The following NUDCD3 variants were observed in gnomAD, a reference collection of about 807,000 sequenced individuals.
NUDCD3 encodes the protein nudC domain-containing protein 3.
A neutral mutation model predicts 39.7 loss-of-function variants in NUDCD3; 13 were observed. The observed-to-expected ratio is 0.33, with a 90% CI of 0.21 to 0.52. The LOEUF is 0.52. Ranked by LOEUF, NUDCD3 falls within the 20% of genes least tolerant of loss-of-function variation. The probability of loss-of-function intolerance (pLI) is 0.96; values close to 1 mark genes in which losing one functional copy is unlikely to be tolerated. For synonymous variants in NUDCD3, 175 were observed against 172.4 expected (o/e 1.02, Z -0.12); for missense variants, 453 against 458.1 (o/e 0.99, Z 0.10).
intron 4 of NUDCD3, among the ~76,000 whole-genome samples, chr7:44,401,379 C>T (rs562776180): frequency 5.3e-5 from 8 of 152,300 alleles, no homozygotes; most frequent in East Asian, 3.9e-4. Flanking sequence ...AGACAACAAA[C>T]GCCTTAGCTC....
At chr7:44,477,635 C>A (rs1323222257) in intron 2 of NUDCD3, among the ~76,000 whole-genome samples, 1 of 152,140 alleles carries the variant, frequency 6.6e-6, no homozygotes, top group East Asian at 1.9e-4. Context: ...GAGGCAAACC[C>A]TAACAGGCAG....
Position 44,384,706 on chromosome 7 carries a change from T to G in NUDCD3, c.*1305A>C, listed in dbSNP as rs981043133. The G allele has an allele frequency of 6.6e-6, 1 of 152,226 alleles. No individual in the cohort carries two copies. The highest frequency in any genetic ancestry group is 2.4e-5 in the African/African-American group (1 of 41,426). 9.4% of individuals were successfully genotyped at this position (152,226 alleles called of 1,614,324 possible). Reference sequence around the variant, plus strand: ...TTGCTGGCCGTGCATGGTGCCAGGGTGCACTGCCCTGCTGTGTGGCTTATC... The same window carrying G: ...TTGCTGGCCGTGCATGGTGCCAGGGGGCACTGCCCTGCTGTGTGGCTTATC... On this transcript the variant is annotated 3_prime_UTR_variant, in exon 6 of 6. Coordinates refer to ENST00000355451, the MANE Select transcript of NUDCD3 (RefSeq NM_015332.4).
At chr7:44,433,317 G>T (rs929916458) in intron 2 of NUDCD3, among the ~76,000 whole-genome samples, 4 of 152,158 alleles carry the variant, frequency 2.6e-5, no homozygotes, top group Non-Finnish European at 5.9e-5. Flanking sequence ...GCACTGTGTG[G>T]TAAAAGTATG....
At chr7:44,418,218 G>C (rs181747519) in intron 3 of NUDCD3, among the ~76,000 whole-genome samples, 2 of 152,304 alleles carry the variant, frequency 1.3e-5, no homozygotes, top group East Asian at 3.9e-4. Context: ...GCCGAGGCAG[G>C]AATGGGACTA....
At chr7:44,470,415 CA>C (rs1800230950) in intron 2 of NUDCD3, among the ~76,000 whole-genome samples, 1 of 152,134 alleles carries the variant, frequency 6.6e-6, no homozygotes, top group Admixed American at 6.5e-5. Context: ...CAGAGGGTCT[CA>C]AAGCAAATCC....
At chr7:44,456,025 CAAAAA>C (rs1233592095) in intron 2 of NUDCD3, among the ~76,000 whole-genome samples, 7,929 of 26,486 alleles carry the variant, frequency 0.3, 85 homozygotes, top group Non-Finnish European at 0.39. Context: ...GACTCCGTCT[CAAAAA>C]AAAAAAAAAA....
intron 2 of NUDCD3, among the ~76,000 whole-genome samples, chr7:44,449,804 T>C (rs1173966832): frequency 6.6e-5 from 10 of 151,704 alleles, no homozygotes; most frequent in African/African-American, 1.2e-4. Context: ...CTTTGTGACT[T>C]TGAGTTAGGC....
chr7:44,443,072 C>T (rs1799621864), intron 2 of NUDCD3, among the ~76,000 whole-genome samples: 4 of 152,162 alleles, frequency 2.6e-5, no homozygotes. Context: ...ACACAGAAAG[C>T]AGGCATTTTG....
chr7:44,449,643 A>T (rs1340463644), intron 2 of NUDCD3, among the ~76,000 whole-genome samples: 1 of 152,222 alleles, frequency 6.6e-6, no homozygotes, highest in Non-Finnish European at 1.5e-5. Context: ...TCAACAAATG[A>T]TGCTGGTGTA....
At chr7:44,420,965 C>T (rs1324076455) in intron 3 of NUDCD3, among the ~76,000 whole-genome samples, 1 of 152,174 alleles carries the variant, frequency 6.6e-6, no homozygotes, top group Non-Finnish European at 1.5e-5. Context: ...AACCAGCTAG[C>T]ATCATGATGA....
chr7:44,483,921 T>C (rs1394665815), intron 2 of NUDCD3, among the ~76,000 whole-genome samples: 2 of 152,180 alleles, frequency 1.3e-5, no homozygotes, highest in African/African-American at 2.4e-5. Flanking sequence ...GGCGAGAGGA[T>C]TGCTGGAGCC....
At chr7:44,413,557 G>C (rs957243622) in intron 3 of NUDCD3, among the ~76,000 whole-genome samples, 1 of 152,188 alleles carries the variant, frequency 6.6e-6, no homozygotes, top group Non-Finnish European at 1.5e-5. Context: ...GTAGAAAGAT[G>C]CTCCACCTCA....
At chr7:44,468,226 C>T in intron 2 of NUDCD3, 1 of 1,597,978 alleles carries the variant, frequency 6.3e-7, no homozygotes, top group Non-Finnish European at 8.5e-7. Flanking sequence ...ACCGCAAAGC[C>T]ATCGTGGAAA....
chr7:44,401,881 T>C (rs1798734227), intron 4 of NUDCD3, among the ~76,000 whole-genome samples: 1 of 152,198 alleles, frequency 6.6e-6, no homozygotes, highest in African/African-American at 2.4e-5. Flanking sequence ...GGCCCTGGCA[T>C]GAAAGTTAAA....
chr7:44,439,256 T>A (rs977861003), intron 2 of NUDCD3, among the ~76,000 whole-genome samples: 1 of 152,114 alleles, frequency 6.6e-6, no homozygotes, highest in Non-Finnish European at 1.5e-5. Flanking sequence ...ACACATCTAC[T>A]CCATGACAAA....
rs77481599 is a variant in NUDCD3, at chr7:44,437,576, C to T, written c.510-9873G>A. On this transcript the variant is annotated intron_variant, in intron 2 of 5. Transcript: ENST00000355451. ...ACCCTGTCACTGACCTGACTCTGGCCTGTGTGGGGGCCACAGGGGTTGGGG... is the reference window on the plus strand; with the variant it reads ...ACCCTGTCACTGACCTGACTCTGGCTTGTGTGGGGGCCACAGGGGTTGGGG... Among the ~76,000 whole-genome samples, 919 of 152,244 alleles carry T rather than the reference C, an allele frequency of 6.0e-3. 7 individuals carry two copies. Among genetic ancestry groups the T allele is most frequent in the African/African-American group, 0.021 (878 of 41,536 alleles).
intron 2 of NUDCD3, among the ~76,000 whole-genome samples, chr7:44,438,258 G>A (rs1799503425): frequency 6.6e-6 from 1 of 151,914 alleles, no homozygotes; most frequent in Non-Finnish European, 1.5e-5. Context: ...TTATTTTCCT[G>A]TTCATTCAAA....
intron 3 of NUDCD3, among the ~76,000 whole-genome samples, chr7:44,426,675 A>G (rs1402615867): frequency 4.0e-5 from 6 of 151,296 alleles, no homozygotes; most frequent in African/African-American, 1.2e-4. Context: ...GGGCGCCTGT[A>G]GTCCCAGCTA....
intron 3 of NUDCD3, among the ~76,000 whole-genome samples, chr7:44,414,944 G>C (rs966809823): frequency 7.9e-5 from 12 of 152,260 alleles, no homozygotes; most frequent in African/African-American, 2.9e-4. Flanking sequence ...CCCAAGGTGA[G>C]GACAAAGATG....
Sources: allele counts gnomAD v4.1 joint callset (sites outside exome capture counted in the v4.1 genomes callset), GRCh38; gene constraint gnomAD v4.1.1; transcripts MANE v1.5; gene names NCBI Gene and HGNC (gene_info 2026-07-23, HGNC 2026-07-21).